Variants in PHF20 observed in about 807,000 individuals in gnomAD.
PHF20 encodes the protein PHD finger protein 20.
PHF20 carries 23 observed loss-of-function variants against 113.5 expected under a neutral mutation model. That is an observed-to-expected ratio of 0.20 (90% CI 0.15 to 0.29). The LOEUF is 0.29. PHF20 is among the 10% of genes least tolerant of loss of function. The pLI is 1.00. For missense variants in PHF20, 943 were observed against 1,219.6 expected (o/e 0.77, Z 3.38); for synonymous variants, 434 against 457.3 (o/e 0.95, Z 0.65).
chr20:35,811,544 G>A (rs1462394834), intron 2 of PHF20, among the ~76,000 whole-genome samples: 1 of 150,940 alleles, frequency 6.6e-6, no homozygotes, highest in East Asian at 2.0e-4. Context: ...CCTGGTACAA[G>A]CGATTCTTCT....
rs180826981 is a variant in PHF20 at position 35,943,604 on chromosome 20, T to C, written c.2896+2557T>C. Among the ~76,000 whole-genome samples the C allele has an allele frequency of 3.3e-3, 503 of 151,838 alleles. 15 individuals are homozygous for C. Among genetic ancestry groups the C allele is most frequent in the Admixed American group, 0.03 (458 of 15,228 alleles). On this transcript the variant is annotated intron_variant, in intron 17 of 17. Coordinates refer to ENST00000374012, the MANE Select transcript of PHF20 (RefSeq NM_016436.5). ...TTAATTATTTATGTAGTTATATGAA[T>C]AGTACTTTATTTATTTATTTATTTA...
At chr20:35,889,392 C>G in intron 9 of PHF20, among the ~76,000 whole-genome samples, 1 of 151,820 alleles carries the variant, frequency 6.6e-6, no homozygotes, top group East Asian at 1.9e-4. Context: ...GACAGAGTCT[C>G]ACTCTGTCAC....
chr20:35,846,505 A>G (rs1163582993), intron 3 of PHF20, among the ~76,000 whole-genome samples: 1 of 152,170 alleles, frequency 6.6e-6, no homozygotes, highest in African/African-American at 2.4e-5. Flanking sequence ...TGCTGGGAAA[A>G]GAGTATAAAA....
At chr20:35,775,376 A>G (rs1381540455) in intron 1 of PHF20, among the ~76,000 whole-genome samples, 2 of 152,076 alleles carry the variant, frequency 1.3e-5, no homozygotes, top group Non-Finnish European at 2.9e-5. Context: ...TTATCCAGAC[A>G]CACATCCCTT....
intron 13 of PHF20, among the ~76,000 whole-genome samples, chr20:35,919,475 G>A (rs2055471326): frequency 6.6e-6 from 1 of 151,962 alleles, no homozygotes. Context: ...GAGTAGCTGG[G>A]ACTATAGGCG....
At chr20:35,921,962 G>A (rs992182357) in intron 13 of PHF20, among the ~76,000 whole-genome samples, 7 of 152,066 alleles carry the variant, frequency 4.6e-5, no homozygotes, top group African/African-American at 1.7e-4. Context: ...GATCCACTCT[G>A]GTACTTTCTC....
At chr20:35,827,498 C>T (rs1160215886) in intron 2 of PHF20, among the ~76,000 whole-genome samples, 2 of 152,148 alleles carry the variant, frequency 1.3e-5, no homozygotes, top group African/African-American at 2.4e-5. Flanking sequence ...GAGCAGAAGG[C>T]TCATAGCCGG....
At chr20:35,915,061 T>G (rs1370480722) in intron 12 of PHF20, among the ~76,000 whole-genome samples, 1 of 148,096 alleles carries the variant, frequency 6.8e-6, no homozygotes. Flanking sequence ...TATATATATA[T>G]ATATAGATAT....
chr20:35,776,972 C>G (rs556274548), intron 1 of PHF20, among the ~76,000 whole-genome samples: 154 of 152,334 alleles, frequency 1.0e-3, no homozygotes, highest in Non-Finnish European at 1.9e-3. Context: ...CCTTGGGCAG[C>G]CTGCCAGTTA....
At chr20:35,825,939 A>G (rs2042253032) in intron 2 of PHF20, among the ~76,000 whole-genome samples, 1 of 152,192 alleles carries the variant, frequency 6.6e-6, no homozygotes, top group Non-Finnish European at 1.5e-5. Flanking sequence ...GCCACCACCC[A>G]AATCAAGATA....
At chr20:35,858,420 G>C (rs771214039) in intron 5 of PHF20, 39 bp downstream of exon 5, 1 of 1,078,714 alleles carries the variant, frequency 9.3e-7, no homozygotes, top group Non-Finnish European at 1.4e-6. Flanking sequence ...TATGAATAAT[G>C]CTAACATTGT....
At chr20:35,878,798 G>C in intron 9 of PHF20, 1 of 660,264 alleles carries the variant, frequency 1.5e-6, no homozygotes, top group South Asian at 1.9e-5. Context: ...CATTATTGAA[G>C]TTACGTATTA....
intron 3 of PHF20, chr20:35,845,380 T>A (rs1336086192): frequency 5.0e-6 from 2 of 398,360 alleles, no homozygotes; most frequent in South Asian, 1.8e-5. Context: ...TGTTTTTTTT[T>A]AAAGAGACGT....
At chr20:35,798,464 T>C (rs2041712495) in intron 1 of PHF20, among the ~76,000 whole-genome samples, 2 of 152,050 alleles carry the variant, frequency 1.3e-5, no homozygotes, top group South Asian at 4.1e-4. Flanking sequence ...TTCTTTTCTT[T>C]TTTTTTTGAG....
At chr20:35,838,126 C>T (rs1010558697) in intron 2 of PHF20, among the ~76,000 whole-genome samples, 1 of 152,094 alleles carries the variant, frequency 6.6e-6, no homozygotes, top group African/African-American at 2.4e-5. Flanking sequence ...GAGTTGCTGG[C>T]CTAGGAGTTC....
intron 2 of PHF20, among the ~76,000 whole-genome samples, chr20:35,811,627 AG>A (rs2041979502): frequency 6.6e-6 from 1 of 151,990 alleles, no homozygotes; most frequent in East Asian, 1.9e-4. Flanking sequence ...TGTATTTAGT[AG>A]GGACAGGGTT....
At chr20:35,826,131 G>A (rs1384987164) in intron 2 of PHF20, among the ~76,000 whole-genome samples, 1 of 151,934 alleles carries the variant, frequency 6.6e-6, no homozygotes, top group African/African-American at 2.4e-5. Context: ...TGCAACCTCC[G>A]CCTCCTGGGT....
intron 2 of PHF20, among the ~76,000 whole-genome samples, chr20:35,812,509 T>TAAAA (rs2041996168): frequency 6.6e-6 from 1 of 152,260 alleles, no homozygotes; most frequent in South Asian, 2.1e-4. Flanking sequence ...TCCCACATTC[T>TAAAA]GGTTTAGTCA....
At chr20:35,913,617 C>T (rs554099251) in intron 11 of PHF20, among the ~76,000 whole-genome samples, 2 of 152,236 alleles carry the variant, frequency 1.3e-5, no homozygotes, top group East Asian at 1.9e-4. Context: ...ATGAAGGCAT[C>T]GAAGTGTAAG....
Sources: allele counts gnomAD v4.1 joint callset (sites outside exome capture counted in the v4.1 genomes callset), GRCh38; gene constraint gnomAD v4.1.1; transcripts MANE v1.5; gene names NCBI Gene and HGNC (gene_info 2026-07-23, HGNC 2026-07-21).